VASN: variants seen among roughly 807,000 people sequenced by gnomAD.
VASN encodes the protein vasorin.
Under a neutral mutation model 4.8 loss-of-function variants are expected in VASN, and 5 were observed. That is an observed-to-expected ratio of 1.03 (90% CI 0.54 to 2.17). The LOEUF (loss-of-function observed/expected upper bound fraction) is 2.17, where lower values mean the gene tolerates loss of function less well. VASN is among the 30% of genes most tolerant of loss of function. VASN has a pLI of 0.01. For synonymous variants in VASN, 499 were observed against 460.8 expected (o/e 1.08, Z -1.06); for missense variants, 927 against 948.8 (o/e 0.98, Z 0.30).
intron 1 of VASN, among the ~76,000 whole-genome samples, chr16:4,379,622 G>A (rs1326025781): frequency 5.3e-5 from 8 of 152,040 alleles, no homozygotes; most frequent in South Asian, 2.1e-4. Context: ...CTGAGGTGAC[G>A]GTAAACACTT....
chr16:4,380,745 T>C, intron 1 of VASN, 124 bp from the exon 2 acceptor site: 4 of 1,139,678 alleles, frequency 3.5e-6, no homozygotes, highest in Non-Finnish European at 4.8e-6. Context: ...ACCTGACTCA[T>C]AACCATTGGG....
chr16:4,381,716 C>T lies in VASN; in HGVS notation c.839C>T (p.Pro280Leu), dbSNP rs1320987011. ...DVSNLSLQALPGDLSGLFPRL... is the reference protein window; with the variant it reads ...DVSNLSLQALLGDLSGLFPRL... The stretch of plus-strand genomic sequence containing the variant: ...AGCAACCTAAGCCTGCAGGCCCTGC[C>T]TGGCGACCTCTCGGGCCTCTTCCCC... Residue 280 changes from proline (P) to leucine (L), a missense_variant, in exon 2 of 2, where the codon CCT becomes CTT. By Grantham distance (98) the Pro-to-Leu change is moderately conservative (BLOSUM62 -3). Transcript: ENST00000304735. 6.2e-7 allele frequency: 1 copy of T among 1,606,914 alleles called. No individual in the cohort carries two copies. The highest frequency in any genetic ancestry group is 8.5e-7 in the Non-Finnish European group (1 of 1,179,426).
rs771552990 is a variant in VASN, at chr16:4,382,433, A to G, written c.1556A>G (p.Glu519Gly). ...VTLRLPASLAEYTVTQLRPNA... is the reference protein window; with the variant it reads ...VTLRLPASLAGYTVTQLRPNA... ...CTGCGACTGCCTGCCTCGCTCGCTG[A>G]GTACACGGTCACCCAGCTGCGGCCC... is the stretch of plus-strand genomic sequence containing the variant. Residue 519 changes from glutamate to glycine, a missense_variant, in exon 2 of 2, where the codon GAG (glutamate) becomes GGG (glycine). Physicochemically the swap from Glu to Gly is moderately conservative, Grantham distance 98 (BLOSUM62 -2). Transcript: ENST00000304735. 1 of 1,610,980 alleles carries G rather than the reference A, an allele frequency of 6.2e-7. No homozygotes were observed. The highest frequency in any genetic ancestry group is 1.1e-5 in the South Asian group (1 of 90,714).
intron 1 of VASN, among the ~76,000 whole-genome samples, chr16:4,379,324 G>A (rs183274071): frequency 2.8e-4 from 42 of 152,198 alleles, no homozygotes; most frequent in African/African-American, 9.9e-4. Context: ...CCAAAGTGGG[G>A]AGGGCTCTTC....
At chr16:4,380,354 A>G (rs567271665) in intron 1 of VASN, among the ~76,000 whole-genome samples, 3 of 152,220 alleles carry the variant, frequency 2.0e-5, no homozygotes, top group Admixed American at 6.5e-5. Flanking sequence ...CATAGTTTCC[A>G]TGTGAAGTCT....
chr16:4,377,482 C>T (rs1203902590), intron 1 of VASN, among the ~76,000 whole-genome samples: 1 of 152,172 alleles, frequency 6.6e-6, no homozygotes, highest in East Asian at 1.9e-4. Flanking sequence ...AGAACTTCCC[C>T]ATTTGAAAAC....
intron 1 of VASN, among the ~76,000 whole-genome samples, chr16:4,378,651 C>T (rs1403066186): frequency 2.0e-5 from 3 of 152,008 alleles, no homozygotes; most frequent in African/African-American, 7.2e-5. Context: ...GGGCCAGGGA[C>T]GCGTGCCTGG....
intron 1 of VASN, among the ~76,000 whole-genome samples, chr16:4,379,106 C>T (rs4786486): frequency 0.56 from 84,424 of 151,696 alleles, 25,203 homozygotes; most frequent in East Asian, 0.78. Context: ...GGAGAGGGAG[C>T]CCTATGGACG....
rs1337200291 is a variant in VASN, at chr16:4,382,816, A to G, written c.1939A>G (p.Ser647Gly). 2.5e-6 allele frequency: 4 copies of G among 1,596,048 alleles called. No homozygotes were observed. Among genetic ancestry groups the G allele is most frequent in the Non-Finnish European group, 3.4e-6 (4 of 1,172,348 alleles). Residue 647 changes from serine (S) to glycine (G), a missense_variant, in exon 2 of 2, where the codon AGC becomes GGC. By Grantham distance (56) the Ser-to-Gly change is moderately conservative (BLOSUM62 0). Coordinates refer to ENST00000304735, the MANE Select transcript of VASN (RefSeq NM_138440.3). ...ATEGGGEALP[S>G]GSECEVPLMG... ...AGAGGGCGGTGGAGAGGCCCTGCCCAGCGGGTCTGAGTGTGAGGTGCCACT... is the reference window on the plus strand; with the variant it reads ...AGAGGGCGGTGGAGAGGCCCTGCCCGGCGGGTCTGAGTGTGAGGTGCCACT...
intron 1 of VASN, among the ~76,000 whole-genome samples, chr16:4,376,230 G>T (rs1220498393): frequency 1.3e-5 from 2 of 152,192 alleles, no homozygotes; most frequent in African/African-American, 4.8e-5. Context: ...GGGAGACGGG[G>T]CGGACCCAGC....
At chr16:4,372,735 T>G (rs2054580778) in intron 1 of VASN, among the ~76,000 whole-genome samples, 1 of 152,156 alleles carries the variant, frequency 6.6e-6, no homozygotes, top group Non-Finnish European at 1.5e-5. Context: ...GCCAGCCGAT[T>G]GGTGCCAACC....
At position 4,382,406 on chromosome 16, in the gene VASN, C is replaced by T. The variant is rs377530491; in HGVS notation, c.1529C>T (p.Thr510Met). The T allele has an allele frequency of 9.9e-6, 16 of 1,611,704 alleles. No homozygotes were observed. Among genetic ancestry groups the T allele is most frequent in the East Asian group, 8.9e-5 (4 of 44,852 alleles). The change falls in exon 2 of 2, where the codon ACG (threonine) becomes ATG (methionine). Residue 510 changes from threonine to methionine, a missense_variant. Thr to Met is a moderately conservative substitution (Grantham distance 81). Transcript: ENST00000304735. ...TCGGGCCCTGATAAGCGGCTGGTGA[C>T]GCTGCGACTGCCTGCCTCGCTCGCT... ...NLSGPDKRLV[T>M]LRLPASLAEY...
At chr16:4,380,768 TG>T in intron 1 of VASN, 100 bp from the exon 2 acceptor site, 1 of 1,292,226 alleles carries the variant, frequency 7.7e-7, no homozygotes, top group Non-Finnish European at 1.0e-6. Flanking sequence ...CTCTTGCATT[TG>T]GGGGCAGAAG....
At position 4,383,044 on chromosome 16, in the gene VASN, C is replaced by T; in HGVS notation, c.*145C>T. On this transcript the variant is annotated 3_prime_UTR_variant, in exon 2 of 2. Coordinates refer to ENST00000304735, the MANE Select transcript of VASN (RefSeq NM_138440.3). ...TGTGTGACCACAGCTGGGCCCTGTT[C>T]CCTCTGGACCTCGGTCTCCTCATCT... is the stretch of plus-strand genomic sequence containing the variant. The T allele has an allele frequency of 1.1e-6, 1 of 893,358 alleles. No individual in the cohort carries two copies. The highest frequency in any genetic ancestry group is 1.6e-6 in the Non-Finnish European group (1 of 610,950). 55.3% of individuals were successfully genotyped at this position (893,358 alleles called of 1,614,324 possible). A position where few individuals can be genotyped will look rare whatever the true frequency, so the allele number is the denominator to read the frequency against.
Position 4,381,009 on chromosome 16 carries a change from C to T in VASN, c.132C>T (p.Thr44=), listed in dbSNP as rs1026208680. ...TCTTCTGCACTGCCCGCCAGGGGAC[C>T]ACGGTGCCCCGAGACGTGCCACCCG... ...QTVFCTARQG[T]TVPRDVPPDT... The change falls in exon 2 of 2, where the codon ACC becomes ACT. Residue 44 remains threonine, a synonymous_variant. Coordinates refer to ENST00000304735, the MANE Select transcript of VASN (RefSeq NM_138440.3). The T allele has an allele frequency of 2.5e-6, 4 of 1,608,962 alleles. No individual in the cohort carries two copies. In the African/African-American group the frequency reaches 5.3e-5, roughly 21 times the overall value.
rs1418689182 is a variant in VASN at position 4,383,119 on chromosome 16, T to C, written c.*220T>C. ...GAGCCCTAACGTCCCCAGAACCGAG[T>C]GCCTATGAGGACAGTGTCCGCCCTG... On this transcript the variant is annotated 3_prime_UTR_variant, in exon 2 of 2. Transcript: ENST00000304735. The C allele has an allele frequency of 5.1e-4, 284 of 554,498 alleles. 3 individuals are homozygous for C. The highest frequency in any genetic ancestry group is 5.3e-5 in the Non-Finnish European group (17 of 318,090). 34.3% of individuals were successfully genotyped at this position (554,498 alleles called of 1,614,324 possible).
Position 4,381,869 on chromosome 16 carries a change from C to A in VASN, c.992C>A (p.Pro331Gln), listed in dbSNP as rs376035961. ...CCTGAGGAGACGCGCTGCCACTTCC[C>A]GCCCAAGAACGCTGGCCGGCTGCTC... ...ASPEETRCHF[P>Q]PKNAGRLLLE... The change falls in exon 2 of 2, where the codon CCG becomes CAG. Residue 331 changes from proline (P) to glutamine (Q), a missense_variant. Pro to Gln is a moderately conservative substitution (Grantham distance 76, BLOSUM62 -1). Coordinates refer to ENST00000304735, the MANE Select transcript of VASN (RefSeq NM_138440.3). The A allele has an allele frequency of 1.2e-6, 2 of 1,603,540 alleles. No individual in the cohort carries two copies. Among genetic ancestry groups the A allele is most frequent in the Admixed American group, 3.3e-5 (2 of 59,924 alleles).
chr16:4,381,434 C>G lies in VASN; in HGVS notation c.557C>G (p.Pro186Arg), dbSNP rs1284886373. ...LSHNSLLALE[P>R]GILDTANVEA... is the part of the protein sequence containing the mutation. ...CACAACAGCCTCCTGGCCCTGGAGCCCGGCATCCTGGACACTGCCAACGTG... is the reference window on the plus strand; with the variant it reads ...CACAACAGCCTCCTGGCCCTGGAGCGCGGCATCCTGGACACTGCCAACGTG... The change falls in exon 2 of 2, where the codon CCC becomes CGC. Residue 186 changes from proline (P) to arginine (R), a missense_variant. Physicochemically the swap from Pro to Arg is moderately radical, Grantham distance 103 (BLOSUM62 -2). Coordinates refer to ENST00000304735, the MANE Select transcript of VASN (RefSeq NM_138440.3). 3 of 1,580,020 alleles carry G rather than the reference C, an allele frequency of 1.9e-6. No individual in the cohort carries two copies. The highest frequency in any genetic ancestry group is 2.6e-6 in the Non-Finnish European group (3 of 1,164,994).
intron 1 of VASN, among the ~76,000 whole-genome samples, chr16:4,377,734 T>C (rs2054793148): frequency 6.6e-6 from 1 of 152,124 alleles, no homozygotes; most frequent in Non-Finnish European, 1.5e-5. Flanking sequence ...GCTTACAAAC[T>C]CTGGGGTTTT....
Sources: allele counts gnomAD v4.1 joint callset (sites outside exome capture counted in the v4.1 genomes callset), GRCh38; gene constraint gnomAD v4.1.1; transcripts MANE v1.5; gene names NCBI Gene and HGNC (gene_info 2026-07-23, HGNC 2026-07-21).